The following RAPGEF2 variants were observed in gnomAD, a reference collection of about 807,000 sequenced individuals.
The protein encoded by RAPGEF2 is Rap guanine nucleotide exchange factor 2, also known as PDZ domain containing guanine nucleotide exchange factor (GEF) 1.
RAPGEF2 carries 54 observed loss-of-function variants against 186.7 expected under a neutral mutation model. The observed-to-expected ratio is 0.29, with a 90% CI of 0.23 to 0.36. The LOEUF is 0.36. Ranked by LOEUF, RAPGEF2 falls within the 10% of genes least tolerant of loss-of-function variation. The probability of loss-of-function intolerance (pLI) is 1.00; values close to 1 mark genes in which losing one functional copy is unlikely to be tolerated. For synonymous variants in RAPGEF2, 712 were observed against 705.9 expected, an observed-to-expected ratio of 1.01 and a Z score of -0.14; for missense variants, 1,532 against 2,045.0, an observed-to-expected ratio of 0.75 and a Z score of 4.84.
Position 159,345,133 on chromosome 4 carries a change from A to C in RAPGEF2, c.3306A>C (p.Ala1102=). 6.2e-7 allele frequency: 1 copy of C among 1,614,158 alleles called. No individual in the cohort carries two copies. Among genetic ancestry groups the C allele is most frequent in the East Asian group, 2.2e-5 (1 of 44,886 alleles). Residue 1102 remains alanine (A), a synonymous_variant, in exon 24 of 30, where the codon GCA becomes GCC. Transcript: ENST00000691494. ...LGSLSQGSTN[A]TVLDVAQTGG... is the part of the protein sequence containing the mutation. ...CTCTCAGCCAGGGTAGTACAAATGC[A>C]ACAGTGCTAGATGTTGCTCAGACAG... is the stretch of plus-strand genomic sequence containing the variant.
chr4:159,314,107 C>T (rs1348221361), intron 8 of RAPGEF2, among the ~76,000 whole-genome samples: 2 of 152,098 alleles, frequency 1.3e-5, no homozygotes, highest in Non-Finnish European at 2.9e-5. Context: ...GTTAATGTTT[C>T]GTTTGCATAT....
chr4:159,166,519 T>TGATCTACTTTGTA (rs1192730639), intron 1 of RAPGEF2, among the ~76,000 whole-genome samples: 1 of 152,210 alleles, frequency 6.6e-6, no homozygotes, highest in Non-Finnish European at 1.5e-5. Context: ...ATTACTTTGT[T>TGATCTACTTTGTA]GATCTACTTT....
chr4:159,269,978 G>T (rs1757918272), intron 7 of RAPGEF2, among the ~76,000 whole-genome samples: 1 of 152,182 alleles, frequency 6.6e-6, no homozygotes, highest in South Asian at 2.1e-4. Context: ...ATCTTATTCT[G>T]TAAGCCTGTT....
intron 17 of RAPGEF2, among the ~76,000 whole-genome samples, chr4:159,336,471 C>T (rs1384307897): frequency 6.6e-6 from 1 of 152,132 alleles, no homozygotes; most frequent in East Asian, 1.9e-4. Flanking sequence ...CCAACAGCTC[C>T]ATCCAAGTTG....
At position 159,341,560 on chromosome 4, in the gene RAPGEF2, A is replaced by C. The variant is rs781007299; in HGVS notation, c.2535-4A>C. The stretch of plus-strand genomic sequence containing the variant: ...TGACTCTGATATGTTTCTGTTTTTC[A>C]TAGGTATTATCTGAAAAACAACATG... On this transcript the variant is annotated splice_polypyrimidine_tract_variant and splice_region_variant and intron_variant, in intron 19 of 29. Coordinates refer to ENST00000691494, the MANE Select transcript of RAPGEF2 (RefSeq NM_001394067.2). 1 of 1,571,024 alleles carries C rather than the reference A, an allele frequency of 6.4e-7. No homozygotes were observed. The highest frequency in any genetic ancestry group is 8.6e-7 in the Non-Finnish European group (1 of 1,162,798).
chr4:159,109,864 G>A (rs975473610), intron 1 of RAPGEF2, among the ~76,000 whole-genome samples: 1 of 152,180 alleles, frequency 6.6e-6, no homozygotes, highest in African/African-American at 2.4e-5. Flanking sequence ...GGGAACCAGG[G>A]GACTGAGGAG....
intron 3 of RAPGEF2, among the ~76,000 whole-genome samples, chr4:159,206,285 G>A (rs1156891122): frequency 1.3e-5 from 2 of 152,214 alleles, no homozygotes; most frequent in Non-Finnish European, 1.5e-5. Flanking sequence ...AGTACCTCAT[G>A]TAATTTATTG....
chr4:159,188,142 G>A (rs566402839), intron 2 of RAPGEF2, among the ~76,000 whole-genome samples: 1 of 152,230 alleles, frequency 6.6e-6, no homozygotes, highest in East Asian at 1.9e-4. Flanking sequence ...CGACAACTTT[G>A]CTAAGAAAAA....
At chr4:159,116,209 C>T (rs1739034031) in intron 1 of RAPGEF2, among the ~76,000 whole-genome samples, 1 of 152,054 alleles carries the variant, frequency 6.6e-6, no homozygotes, top group Admixed American at 6.6e-5. Context: ...CTAATATCCA[C>T]AATCTACAAG....
At chr4:159,182,612 T>C (rs1747139644) in intron 1 of RAPGEF2, among the ~76,000 whole-genome samples, 1 of 152,144 alleles carries the variant, frequency 6.6e-6, no homozygotes. Flanking sequence ...GCCAGGCTGG[T>C]CTCGAACTCC....
intron 1 of RAPGEF2, among the ~76,000 whole-genome samples, chr4:159,150,874 T>G (rs1321500502): frequency 6.6e-6 from 1 of 152,214 alleles, no homozygotes. Context: ...CAGCTCGTGT[T>G]CCCCTGACTG....
chr4:159,135,754 T>G, intron 1 of RAPGEF2, among the ~76,000 whole-genome samples: 1 of 152,052 alleles, frequency 6.6e-6, no homozygotes, highest in African/African-American at 2.4e-5. Flanking sequence ...TGCCCACCAC[T>G]ATGCCTGGCC....
At position 159,332,077 on chromosome 4, in the gene RAPGEF2, G is replaced by GT. The variant is rs779387428; in HGVS notation, c.1888+49dup. 112 of 1,306,070 alleles carry GT rather than the reference G, an allele frequency of 8.6e-5. No homozygotes were observed. The African/African-American group carries it at 1.5e-3, about 17-fold the overall frequency. The allele number at this position is 1,306,070 out of a possible 1,614,324, so 80.9% of individuals were successfully genotyped here. A position where few individuals can be genotyped will look rare whatever the true frequency, so the allele number is the denominator to read the frequency against. On this transcript the variant is annotated intron_variant, in intron 16 of 29. Transcript: ENST00000691494. ...TTTTCATTTTTCTCCTTTTGGCCTTGTTTTTTAGTATTTCAAACATCATAA... is the reference window on the plus strand; with the variant it reads ...TTTTCATTTTTCTCCTTTTGGCCTTGTTTTTTTAGTATTTCAAACATCATAA...
At chr4:159,138,992 A>C (rs190924241) in intron 1 of RAPGEF2, among the ~76,000 whole-genome samples, 14 of 152,348 alleles carry the variant, frequency 9.2e-5, no homozygotes, top group Admixed American at 2.6e-4. Context: ...GTCTCAGGCA[A>C]CTTGGTGCAT....
At chr4:159,219,063 A>G (rs920027025) in intron 4 of RAPGEF2, among the ~76,000 whole-genome samples, 1 of 152,170 alleles carries the variant, frequency 6.6e-6, no homozygotes, top group Admixed American at 6.5e-5. Context: ...TAAAATATAC[A>G]CATGTGCATA....
chr4:159,282,167 C>A (rs1348327198), intron 7 of RAPGEF2, among the ~76,000 whole-genome samples: 3 of 152,086 alleles, frequency 2.0e-5, no homozygotes, highest in Admixed American at 1.3e-4. Flanking sequence ...TTTTCATTTT[C>A]TTGATTTTTA....
chr4:159,304,258 A>G, intron 7 of RAPGEF2, 84 bp from the exon 8 acceptor site: 2 of 1,304,994 alleles, frequency 1.5e-6, no homozygotes, highest in Non-Finnish European at 2.1e-6. Flanking sequence ...GGTATAGAAT[A>G]AAATATGATA....
At chr4:159,166,946 TTGGTG>T (rs1218678567) in intron 1 of RAPGEF2, among the ~76,000 whole-genome samples, 6 of 152,056 alleles carry the variant, frequency 3.9e-5, no homozygotes, top group African/African-American at 1.2e-4. Context: ...CAGTTGAAAT[TTGGTG>T]ATCAAGGGAC....
chr4:159,342,827 A>T (rs1422346246), intron 20 of RAPGEF2, 152 bp from the exon 21 acceptor site: 12 of 767,180 alleles, frequency 1.6e-5, no homozygotes, highest in African/African-American at 3.5e-5. Flanking sequence ...GTGCCATCTC[A>T]TTCCCCAGAA....
Sources: allele counts gnomAD v4.1 joint callset (sites outside exome capture counted in the v4.1 genomes callset), GRCh38; gene constraint gnomAD v4.1.1; transcripts MANE v1.5; gene names NCBI Gene and HGNC (gene_info 2026-07-23, HGNC 2026-07-21).